KDM4C: variants seen among roughly 807,000 people sequenced by gnomAD.
The protein encoded by KDM4C is lysine-specific demethylase 4C.
KDM4C carries 81 observed loss-of-function variants against 129.3 expected under a neutral mutation model. The observed-to-expected ratio is 0.63, with a 90% CI of 0.52 to 0.75. KDM4C has a LOEUF of 0.75. Among genes scored for constraint, KDM4C ranks in the 30% least tolerant of loss-of-function variants. KDM4C has a pLI of 0.00. For synonymous variants in KDM4C, 573 were observed against 456.1 expected (o/e 1.26, Z -3.26); for missense variants, 1,457 against 1,304.0 (o/e 1.12, Z -1.81).
chr9:6,929,573 T>G (rs1589155889), intron 8 of KDM4C, among the ~76,000 whole-genome samples: 3 of 150,622 alleles, frequency 2.0e-5, no homozygotes, highest in African/African-American at 7.4e-5. Flanking sequence ...GTTGGTTAGG[T>G]AAGTGCTACT....
In KDM4C at chr9:7,083,483, C is replaced by G. The variant is rs1184985664; in HGVS notation, c.2425-20202C>G. On this transcript the variant is annotated intron_variant, in intron 17 of 21. Transcript: ENST00000381309. ...CCTATGCAAACCTTGATGGCATAGA[C>G]TACTACACATCTAGGCTATATGGTA... Among the ~76,000 whole-genome samples the G allele has an allele frequency of 2.0e-5, 3 of 152,310 alleles. No individual in the cohort carries two copies. In the East Asian group the frequency reaches 5.8e-4, roughly 29 times the overall value.
intron 1 of KDM4C, among the ~76,000 whole-genome samples, chr9:6,747,495 C>T (rs1276627758): frequency 7.1e-6 from 1 of 141,698 alleles, no homozygotes; most frequent in Non-Finnish European, 1.5e-5. Flanking sequence ...TTGCAGTGAG[C>T]CGAGATCGCG....
chr9:6,895,855 A>G (rs1191554289), intron 8 of KDM4C, among the ~76,000 whole-genome samples: 1 of 152,248 alleles, frequency 6.6e-6, no homozygotes, highest in Non-Finnish European at 1.5e-5. Context: ...ATGTTTCACT[A>G]AAATATCATG....
At position 7,040,458 on chromosome 9, in the gene KDM4C, A is replaced by G. The variant is rs753130980; in HGVS notation, c.2260-6404A>G. On this transcript the variant is annotated intron_variant, in intron 15 of 21. Coordinates refer to ENST00000381309, the MANE Select transcript of KDM4C (RefSeq NM_015061.6). ...GTTGAAGATACTAAAAAATGATTTTATATTTACCCAGGTATTTTTGGAGTT... is the reference window on the plus strand; with the variant it reads ...GTTGAAGATACTAAAAAATGATTTTGTATTTACCCAGGTATTTTTGGAGTT... Among the ~76,000 whole-genome samples, 116 of 150,792 alleles carry G rather than the reference A, an allele frequency of 7.7e-4. 1 individual carries two copies. The highest frequency in any genetic ancestry group is 1.5e-3 in the Non-Finnish European group (102 of 67,744).
upstream of KDM4C, among the ~76,000 whole-genome samples, chr9:6,753,978 C>A (rs1818159623): frequency 6.7e-6 from 1 of 148,244 alleles, no homozygotes; most frequent in Admixed American, 6.8e-5. Context: ...GGGTTCATGC[C>A]ATTCTCCTGC....
intron 15 of KDM4C, among the ~76,000 whole-genome samples, chr9:7,042,821 A>T (rs1828816339): frequency 6.6e-6 from 1 of 152,040 alleles, no homozygotes; most frequent in Non-Finnish European, 1.5e-5. Flanking sequence ...TTTGAATCTC[A>T]ATTGTTCTCC....
chr9:6,958,687 A>ATTT (rs377187050), intron 8 of KDM4C, among the ~76,000 whole-genome samples: 85,094 of 136,312 alleles, frequency 0.62, 27,721 homozygotes, highest in East Asian at 0.94. Flanking sequence ...TCTTTATATG[A>ATTT]TTTTTTTTTT....
At chr9:7,055,784 A>C (rs970631554) in intron 17 of KDM4C, among the ~76,000 whole-genome samples, 6 of 152,176 alleles carry the variant, frequency 3.9e-5, no homozygotes, top group Non-Finnish European at 5.9e-5. Context: ...TGAGAGGTAG[A>C]GATAGGGTCT....
chr9:6,831,258 G>C (rs781663627), intron 4 of KDM4C, among the ~76,000 whole-genome samples: 25 of 152,132 alleles, frequency 1.6e-4, no homozygotes, highest in Non-Finnish European at 3.4e-4. Context: ...TTTCTTTCAT[G>C]TAAAAATTTG....
chr9:7,013,538 T>G (rs1293292211), intron 13 of KDM4C, among the ~76,000 whole-genome samples: 6 of 152,182 alleles, frequency 3.9e-5, no homozygotes, highest in Non-Finnish European at 8.8e-5. Context: ...AGACACAGTT[T>G]TAGTAGCCAG....
chr9:7,120,240 T>G (rs1463177061), intron 18 of KDM4C, among the ~76,000 whole-genome samples: 1 of 152,180 alleles, frequency 6.6e-6, no homozygotes, highest in Admixed American at 6.5e-5. Context: ...GTGCCTTTGA[T>G]GAAGCAGTCC....
At chr9:7,028,966 G>T (rs1171559735) in intron 15 of KDM4C, among the ~76,000 whole-genome samples, 1 of 152,144 alleles carries the variant, frequency 6.6e-6, no homozygotes, top group Non-Finnish European at 1.5e-5. Flanking sequence ...CGTCTTCAGT[G>T]CCTCTTTCAG....
At chr9:6,810,754 C>G (rs1032842176) in intron 3 of KDM4C, among the ~76,000 whole-genome samples, 1 of 151,762 alleles carries the variant, frequency 6.6e-6, no homozygotes, top group Non-Finnish European at 1.5e-5. Flanking sequence ...GTCTGTAGTC[C>G]CAGCTACTCG....
intron 8 of KDM4C, among the ~76,000 whole-genome samples, chr9:6,914,483 G>A (rs965350213): frequency 6.6e-6 from 1 of 152,202 alleles, no homozygotes; most frequent in African/African-American, 2.4e-5. Context: ...GGTAAGATCA[G>A]TGCTTATAAT....
At chr9:6,837,084 G>A (rs554265889) in intron 4 of KDM4C, among the ~76,000 whole-genome samples, 1 of 152,028 alleles carries the variant, frequency 6.6e-6, no homozygotes, top group South Asian at 2.1e-4. Context: ...TTAAGACAGG[G>A]TCTTGCCCTG....
intron 5 of KDM4C, among the ~76,000 whole-genome samples, chr9:6,853,530 G>A (rs557300437): frequency 6.6e-6 from 1 of 152,160 alleles, no homozygotes; most frequent in East Asian, 1.9e-4. Flanking sequence ...AAGCCTAAAA[G>A]GTAACTATTA....
At chr9:6,798,944 C>T (rs1011462801) in intron 2 of KDM4C, among the ~76,000 whole-genome samples, 5 of 150,124 alleles carry the variant, frequency 3.3e-5, no homozygotes, top group African/African-American at 7.4e-5. Context: ...CGGGTCGAGG[C>T]GCTCCTCACA....
intron 19 of KDM4C, among the ~76,000 whole-genome samples, chr9:7,133,082 A>G (rs1221775043): frequency 6.6e-6 from 1 of 152,244 alleles, no homozygotes; most frequent in Non-Finnish European, 1.5e-5. Context: ...TTTTTCTCAC[A>G]TAAAGGCAGT....
chr9:6,948,935 C>T (rs1272426020), intron 8 of KDM4C, among the ~76,000 whole-genome samples: 2 of 152,092 alleles, frequency 1.3e-5, no homozygotes, highest in Non-Finnish European at 2.9e-5. Context: ...CCCCACATTT[C>T]CCCCTTCTCT....
Sources: allele counts gnomAD v4.1 joint callset (sites outside exome capture counted in the v4.1 genomes callset), GRCh38; gene constraint gnomAD v4.1.1; transcripts MANE v1.5; gene names NCBI Gene and HGNC (gene_info 2026-07-23, HGNC 2026-07-21).